KCTD16: variants seen among roughly 807,000 people sequenced by gnomAD.
KCTD16 encodes potassium channel tetramerization domain containing 16, also known as BTB/POZ domain-containing protein KCTD16.
A neutral mutation model predicts 33.2 loss-of-function variants in KCTD16; 13 were observed. The ratio of observed to expected loss-of-function variants is 0.39; its 90% CI spans 0.25 to 0.62. The LOEUF is 0.62. Ranked by LOEUF, KCTD16 falls within the 20% of genes least tolerant of loss-of-function variation. The pLI is 0.50. For missense variants in KCTD16, 441 were observed against 525.1 expected (o/e 0.84, Z 1.57); for synonymous variants, 197 against 195.3 (o/e 1.01, Z -0.07).
intron 3 of KCTD16, among the ~76,000 whole-genome samples, chr5:144,262,805 T>C (rs1019963896): frequency 6.6e-6 from 1 of 152,242 alleles, no homozygotes; most frequent in African/African-American, 2.4e-5. Context: ...CACAGACCTC[T>C]GTGTGACTCT....
At chr5:144,424,325 A>G (rs557748897) in intron 3 of KCTD16, among the ~76,000 whole-genome samples, 5 of 152,274 alleles carry the variant, frequency 3.3e-5, no homozygotes, top group South Asian at 4.1e-4. Flanking sequence ...ACAATTGTCA[A>G]TTATCCCAGG....
At chr5:144,465,186 C>G (rs894045749) in intron 3 of KCTD16, among the ~76,000 whole-genome samples, 3 of 105,938 alleles carry the variant, frequency 2.8e-5, no homozygotes, top group Non-Finnish European at 5.7e-5. Flanking sequence ...CTCTCTCCCC[C>G]CCCTCTCTCT....
chr5:144,205,330 T>G (rs559671131), intron 2 of KCTD16: 50 of 389,150 alleles, frequency 1.3e-4, no homozygotes, highest in African/African-American at 7.0e-4. Context: ...CATATTCCTT[T>G]AAGATGATGT....
chr5:144,364,409 A>G (rs1005466329), intron 3 of KCTD16, among the ~76,000 whole-genome samples: 4 of 152,242 alleles, frequency 2.6e-5, no homozygotes, highest in Admixed American at 2.6e-4. Context: ...GCAATGCTGA[A>G]CATATATTGT....
At chr5:144,333,606 C>T (rs1752410047) in intron 3 of KCTD16, among the ~76,000 whole-genome samples, 1 of 152,068 alleles carries the variant, frequency 6.6e-6, no homozygotes, top group Admixed American at 6.6e-5. Context: ...GGGGGTCAGC[C>T]AGATGTTGGC....
chr5:144,388,114 G>A (rs1302765715), intron 3 of KCTD16, among the ~76,000 whole-genome samples: 4 of 105,432 alleles, frequency 3.8e-5, no homozygotes, highest in South Asian at 3.2e-4. Flanking sequence ...GTCTCGCTCT[G>A]TTGCCCAGAG....
chr5:144,463,766 A>C (rs1754257032), intron 3 of KCTD16, among the ~76,000 whole-genome samples: 1 of 152,230 alleles, frequency 6.6e-6, no homozygotes, highest in Non-Finnish European at 1.5e-5. Flanking sequence ...ATTCATAGGG[A>C]CATTATAAAT....
chr5:144,275,449 C>T (rs1195549667), intron 3 of KCTD16, among the ~76,000 whole-genome samples: 1 of 152,196 alleles, frequency 6.6e-6, no homozygotes, highest in Non-Finnish European at 1.5e-5. Context: ...TTTACTTCTG[C>T]AATGCTGCCT....
At chr5:144,247,896 C>A (rs1028112063) in intron 3 of KCTD16, among the ~76,000 whole-genome samples, 3 of 152,204 alleles carry the variant, frequency 2.0e-5, no homozygotes, top group Admixed American at 6.5e-5. Flanking sequence ...GTCCACTGTT[C>A]TTCCCTGCAA....
intron 3 of KCTD16, among the ~76,000 whole-genome samples, chr5:144,278,823 A>G (rs1755517617): frequency 6.6e-6 from 1 of 152,158 alleles, no homozygotes; most frequent in Non-Finnish European, 1.5e-5. Flanking sequence ...AAAAATTAGA[A>G]ACAGCTTGTC....
intron 3 of KCTD16, among the ~76,000 whole-genome samples, chr5:144,255,366 T>TA (rs1276732286): frequency 6.6e-6 from 1 of 152,194 alleles, no homozygotes; most frequent in Non-Finnish European, 1.5e-5. Flanking sequence ...GATTTTTTTT[T>TA]ATCATATGGT....
intron 3 of KCTD16, among the ~76,000 whole-genome samples, chr5:144,386,298 C>A (rs1752323144): frequency 6.6e-6 from 1 of 152,146 alleles, no homozygotes; most frequent in Non-Finnish European, 1.5e-5. Flanking sequence ...ATCCCAGTTG[C>A]ACAGTAACCA....
At chr5:144,285,472 C>G (rs1755718890) in intron 3 of KCTD16, among the ~76,000 whole-genome samples, 1 of 152,194 alleles carries the variant, frequency 6.6e-6, no homozygotes, top group African/African-American at 2.4e-5. Flanking sequence ...CATACAGCCC[C>G]TCTTTATCCA....
chr5:144,187,960 G>A (rs561095780), intron 2 of KCTD16, among the ~76,000 whole-genome samples: 1 of 152,290 alleles, frequency 6.6e-6, no homozygotes, highest in Non-Finnish European at 1.5e-5. Flanking sequence ...ACCGGAAGTG[G>A]ATGTGGTTAA....
rs574670606 is a variant in KCTD16, at chr5:144,199,707, A to ATTTTTTTTTT, written c.-326-6663_-326-6654dup. ...TGACCATTTGTTCCAGAACAGCTTC[A>ATTTTTTTTTT]TTTTTTTTTTTTTTTTTTTTTTTTT... is the stretch of plus-strand genomic sequence containing the variant. On this transcript the variant is annotated intron_variant, in intron 2 of 3. Coordinates refer to ENST00000512467, the MANE Select transcript of KCTD16 (RefSeq NM_020768.4). Among the ~76,000 whole-genome samples the ATTTTTTTTTT allele has an allele frequency of 3.0e-5, 2 of 67,738 alleles. 1 individual carries two copies. Among genetic ancestry groups the ATTTTTTTTTT allele is most frequent in the Non-Finnish European group, 5.6e-5 (2 of 35,960 alleles). 44.4% of individuals were successfully genotyped at this position (67,738 alleles called of 152,430 possible).
chr5:144,338,847 G>A (rs1752556671), intron 3 of KCTD16, among the ~76,000 whole-genome samples: 1 of 152,158 alleles, frequency 6.6e-6, no homozygotes, highest in Non-Finnish European at 1.5e-5. Context: ...ATTCATTGCA[G>A]TTATTCAGAT....
intron 3 of KCTD16, among the ~76,000 whole-genome samples, chr5:144,370,666 T>G (rs1224468853): frequency 3.3e-5 from 5 of 152,210 alleles, no homozygotes; most frequent in Non-Finnish European, 7.3e-5. Context: ...TTTAGGCATA[T>G]ATTTAGGGAA....
chr5:144,405,209 A>G (rs1752785432), intron 3 of KCTD16, among the ~76,000 whole-genome samples: 1 of 152,216 alleles, frequency 6.6e-6, no homozygotes, highest in African/African-American at 2.4e-5. Flanking sequence ...ACTTGTGTAA[A>G]TTAACAATCC....
chr5:144,287,552 G>C (rs1755778702), intron 3 of KCTD16, among the ~76,000 whole-genome samples: 1 of 152,152 alleles, frequency 6.6e-6, no homozygotes, highest in Admixed American at 6.5e-5. Flanking sequence ...AATCCATGCA[G>C]TTGGTTGTCA....
Sources: gnomAD v4.1 joint callset for allele counts (sites outside exome capture counted in the v4.1 genomes callset) on GRCh38, gnomAD v4.1.1 for gene constraint, MANE v1.5 for transcripts, NCBI Gene and HGNC (gene_info 2026-07-23, HGNC 2026-07-21) for gene names.